Variants in CAMK2D observed in about 807,000 individuals in gnomAD.
The protein encoded by CAMK2D is calcium/calmodulin-dependent protein kinase type II subunit delta.
In CAMK2D, 37 loss-of-function variants were observed where a neutral mutation model predicts 84.0. The observed-to-expected ratio is 0.44, with a 90% CI of 0.34 to 0.58. The LOEUF is 0.58. Ranked by LOEUF, CAMK2D falls within the 20% of genes least tolerant of loss-of-function variation. CAMK2D has a pLI of 0.02. For synonymous variants in CAMK2D, 202 were observed against 212.5 expected (o/e 0.95, Z 0.43); for missense variants, 448 against 652.5 (o/e 0.69, Z 3.41).
chr4:113,522,828 C>T (rs765243686), intron 8 of CAMK2D, among the ~76,000 whole-genome samples: 13 of 151,980 alleles, frequency 8.6e-5, no homozygotes, highest in Non-Finnish European at 1.3e-4. Context: ...ATAAAATGTC[C>T]GCATGTCTGA....
chr4:113,471,486 TTCTCACAAA>T (rs2154118379), intron 16 of CAMK2D, among the ~76,000 whole-genome samples: 1 of 152,280 alleles, frequency 6.6e-6, no homozygotes, highest in South Asian at 2.1e-4. Context: ...CTCAGTATTT[TTCTCACAAA>T]GTCTGATGCC....
chr4:113,645,638 G>A (rs922546154), intron 3 of CAMK2D, among the ~76,000 whole-genome samples: 1 of 151,936 alleles, frequency 6.6e-6, no homozygotes, highest in African/African-American at 2.4e-5. Flanking sequence ...GAAGGGTAGA[G>A]TAGTCAAATA....
At chr4:113,604,696 A>AC (rs1278383575) in intron 4 of CAMK2D, among the ~76,000 whole-genome samples, 1 of 152,216 alleles carries the variant, frequency 6.6e-6, no homozygotes, top group African/African-American at 2.4e-5. Context: ...ATTGCTAAAG[A>AC]CATAATCCAC....
chr4:113,520,889 T>C (rs1362375678), intron 8 of CAMK2D, among the ~76,000 whole-genome samples: 1 of 151,856 alleles, frequency 6.6e-6, no homozygotes, highest in Non-Finnish European at 1.5e-5. Flanking sequence ...TTTAGCCAGG[T>C]GTGGTGGAAT....
At chr4:113,619,781 G>T (rs2099037416) in intron 3 of CAMK2D, among the ~76,000 whole-genome samples, 1 of 152,090 alleles carries the variant, frequency 6.6e-6, no homozygotes, top group Non-Finnish European at 1.5e-5. Flanking sequence ...ATAAAGCTAG[G>T]ATTTCATTGT....
intron 2 of CAMK2D, among the ~76,000 whole-genome samples, chr4:113,696,379 C>T (rs1353569233): frequency 6.6e-6 from 1 of 151,996 alleles, no homozygotes; most frequent in Non-Finnish European, 1.5e-5. Flanking sequence ...TGGTATATCA[C>T]CAGGACCTAG....
At chr4:113,494,515 G>A (rs1392862177) in intron 16 of CAMK2D, among the ~76,000 whole-genome samples, 12 of 152,264 alleles carry the variant, frequency 7.9e-5, no homozygotes, top group East Asian at 3.9e-4. Context: ...CTCCAGCTGC[G>A]TGCTGGGAGA....
intron 16 of CAMK2D, among the ~76,000 whole-genome samples, chr4:113,469,418 ATTTGCC>A (rs1404847270): frequency 3.9e-5 from 6 of 152,158 alleles, no homozygotes; most frequent in African/African-American, 1.4e-4. Context: ...TCTCATTCTC[ATTTGCC>A]ATGTTATCCT....
chr4:113,540,293 G>A (rs1245268222), intron 6 of CAMK2D, among the ~76,000 whole-genome samples: 1 of 152,110 alleles, frequency 6.6e-6, no homozygotes, highest in African/African-American at 2.4e-5. Context: ...AAGCTGAAAG[G>A]GTAGTATTTC....
intron 3 of CAMK2D, among the ~76,000 whole-genome samples, chr4:113,627,111 T>A (rs913958186): frequency 6.6e-6 from 1 of 152,158 alleles, no homozygotes; most frequent in Non-Finnish European, 1.5e-5. Flanking sequence ...AATCATTGAC[T>A]GTCCTATGAT....
chr4:113,742,275 T>TA (rs1289455823), intron 2 of CAMK2D, among the ~76,000 whole-genome samples: 5 of 152,172 alleles, frequency 3.3e-5, no homozygotes, highest in Admixed American at 1.3e-4. Context: ...AGTTTCAGCA[T>TA]AAAAAATATC....
intron 3 of CAMK2D, among the ~76,000 whole-genome samples, chr4:113,641,114 G>A (rs993909624): frequency 2.0e-5 from 3 of 152,182 alleles, no homozygotes; most frequent in Admixed American, 2.0e-4. Flanking sequence ...CAAGTCAACA[G>A]TGTTTGGTAT....
chr4:113,660,244 T>G (rs1309954602), intron 3 of CAMK2D, among the ~76,000 whole-genome samples: 1 of 152,198 alleles, frequency 6.6e-6, no homozygotes, highest in African/African-American at 2.4e-5. Context: ...TTACACATAT[T>G]TCTGAATTTA....
At chr4:113,752,968 T>G (rs906426268) in intron 2 of CAMK2D, among the ~76,000 whole-genome samples, 18 of 152,070 alleles carry the variant, frequency 1.2e-4, no homozygotes, top group African/African-American at 1.7e-4. Context: ...ACTCTGAAGT[T>G]TGTAAGATCA....
At chr4:113,566,123 C>T (rs1346014220) in intron 4 of CAMK2D, among the ~76,000 whole-genome samples, 1 of 152,122 alleles carries the variant, frequency 6.6e-6, no homozygotes. Flanking sequence ...AGAGAAGAAA[C>T]GTCTCTCCCT....
intron 2 of CAMK2D, chr4:113,754,309 A>C: frequency 1.0e-6 from 1 of 978,802 alleles, no homozygotes; most frequent in Non-Finnish European, 1.2e-6. Context: ...TAGAAATACT[A>C]TGAGTCAACC....
At chr4:113,489,306 C>G (rs1267561821) in intron 16 of CAMK2D, among the ~76,000 whole-genome samples, 6 of 125,298 alleles carry the variant, frequency 4.8e-5, no homozygotes, top group Non-Finnish European at 1.6e-5. Context: ...CACCCCACAA[C>G]AGTCCCCAGA....
chr4:113,466,426 G>A (rs2097468549), intron 16 of CAMK2D, among the ~76,000 whole-genome samples: 1 of 152,102 alleles, frequency 6.6e-6, no homozygotes, highest in African/African-American at 2.4e-5. Flanking sequence ...TATCTTCAGA[G>A]TAAAGATGAT....
At chr4:113,667,518 C>T (rs1167482533) in intron 2 of CAMK2D, among the ~76,000 whole-genome samples, 1 of 152,178 alleles carries the variant, frequency 6.6e-6, no homozygotes, top group Non-Finnish European at 1.5e-5. Flanking sequence ...TGGAATTACA[C>T]AGTGAATGCA....
Sources: gnomAD v4.1 joint callset for allele counts (sites outside exome capture counted in the v4.1 genomes callset) on GRCh38, gnomAD v4.1.1 for gene constraint, MANE v1.5 for transcripts, NCBI Gene and HGNC (gene_info 2026-07-23, HGNC 2026-07-21) for gene names.